Variants in CCDC6 observed in about 807,000 individuals in gnomAD.
The protein encoded by CCDC6 is coiled-coil domain containing 6.
In CCDC6, 20 loss-of-function variants were observed where a neutral mutation model predicts 56.6. The ratio of observed to expected loss-of-function variants is 0.35; its 90% confidence interval spans 0.25 to 0.51. CCDC6 has a LOEUF of 0.51. Ranked by LOEUF, CCDC6 falls within the 20% of genes least tolerant of loss-of-function variation. The probability of loss-of-function intolerance (pLI) is 0.95; values close to 1 mark genes in which losing one functional copy is unlikely to be tolerated. For synonymous variants in CCDC6, 241 were observed against 234.4 expected, an observed-to-expected ratio of 1.03 and a Z score of -0.26; for missense variants, 367 against 601.1, an observed-to-expected ratio of 0.61 and a Z score of 4.07.
At chr10:59,804,755 G>C (rs981860084) in intron 6 of CCDC6, 2 of 453,602 alleles carry the variant, frequency 4.4e-6, no homozygotes, top group Non-Finnish European at 8.1e-6. Flanking sequence ...TTTAGCTCAG[G>C]ATGGAAGCCA....
chr10:59,904,049 T>C (rs1347312297), intron 1 of CCDC6, among the ~76,000 whole-genome samples: 1 of 152,242 alleles, frequency 6.6e-6, no homozygotes, highest in African/African-American at 2.4e-5. Flanking sequence ...CTTTTTTATG[T>C]GTCTCCCTGA....
chr10:59,855,832 C>T (rs1387329467), intron 1 of CCDC6, among the ~76,000 whole-genome samples: 7 of 152,186 alleles, frequency 4.6e-5, no homozygotes, highest in Non-Finnish European at 8.8e-5. Context: ...GGACCAGTTT[C>T]CTTTGCATTT....
rs1172379933 is a variant in CCDC6, at chr10:59,876,073, C to CTTTTTT, written c.304-23377_304-23372dup. 9.2e-4 allele frequency among the ~76,000 whole-genome samples: 90 copies of CTTTTTT among 97,552 alleles called. 27 individuals carry two copies. Among genetic ancestry groups the CTTTTTT allele is most frequent in the African/African-American group, 2.0e-3 (48 of 24,218 alleles). 64.0% of individuals were successfully genotyped at this position (97,552 alleles called of 152,430 possible). ...CATACACGAGTGCATGCACAGATGT[C>CTTTTTT]TTTTTTTTTTTTTTTTTTCAGATCG... On this transcript the variant is annotated intron_variant, in intron 1 of 8. Coordinates refer to ENST00000263102, the MANE Select transcript of CCDC6 (RefSeq NM_005436.5).
chr10:59,868,196 T>A (rs1435480184), intron 1 of CCDC6, among the ~76,000 whole-genome samples: 1 of 152,214 alleles, frequency 6.6e-6, no homozygotes, highest in Non-Finnish European at 1.5e-5. Flanking sequence ...TCTGAGCTCA[T>A]CCCATCCTGT....
intron 2 of CCDC6, among the ~76,000 whole-genome samples, chr10:59,848,383 A>C (rs545103713): frequency 6.6e-6 from 1 of 152,282 alleles, no homozygotes; most frequent in East Asian, 1.9e-4. Flanking sequence ...GTCTCTGGTA[A>C]AATTAGATTC....
intron 1 of CCDC6, among the ~76,000 whole-genome samples, chr10:59,899,897 C>T (rs2071492378): frequency 7.0e-6 from 1 of 142,076 alleles, no homozygotes; most frequent in Admixed American, 7.0e-5. Flanking sequence ...AATGGTCCCC[C>T]AAAGTATACA....
Position 59,789,528 on chromosome 10 carries a change from G to A in CCDC6, c.*3389C>T. ...AGAAACCCCTTAATCTCTTACAATG[G>A]CTCTTGAGCATGGAACTCATGTAGC... On this transcript the variant is annotated 3_prime_UTR_variant, in exon 9 of 9. Coordinates refer to ENST00000263102, the MANE Select transcript of CCDC6 (RefSeq NM_005436.5). The A allele has an allele frequency of 4.3e-6, 1 of 232,868 alleles. No homozygotes were observed. Among genetic ancestry groups the A allele is most frequent in the Non-Finnish European group, 8.5e-6 (1 of 117,678 alleles). 14.4% of individuals were successfully genotyped at this position (232,868 alleles called of 1,614,324 possible).
At chr10:59,870,859 T>C (rs1427301414) in intron 1 of CCDC6, among the ~76,000 whole-genome samples, 1 of 152,170 alleles carries the variant, frequency 6.6e-6, no homozygotes, top group Non-Finnish European at 1.5e-5. Context: ...AACAACCTCA[T>C]GGAGGAGTCA....
chr10:59,806,971 A>T lies in CCDC6; in HGVS notation c.955T>A (p.Cys319Ser). ...QREMERREALCRQLSESESSL... is the reference protein window; with the variant it reads ...QREMERREALSRQLSESESSL... ...GACTCACTCTCGGAGAGCTGTCGAC[A>T]GAGGGCTTCTCTTCTCTCCATCTCC... Residue 319 changes from cysteine to serine, a missense_variant, in exon 6 of 9, where the codon TGT (cysteine) becomes AGT (serine). Transcript: ENST00000263102. The T allele has an allele frequency of 6.2e-7, 1 of 1,614,102 alleles. No individual in the cohort carries two copies. The highest frequency in any genetic ancestry group is 1.1e-5 in the South Asian group (1 of 91,074).
intron 3 of CCDC6, among the ~76,000 whole-genome samples, chr10:59,821,852 T>C (rs929889024): frequency 2.0e-5 from 3 of 152,242 alleles, no homozygotes; most frequent in Non-Finnish European, 4.4e-5. Flanking sequence ...CTGAAAGTTA[T>C]GCCGTTGATA....
At chr10:59,887,481 T>TAA (rs60170273) in intron 1 of CCDC6, among the ~76,000 whole-genome samples, 41 of 136,570 alleles carry the variant, frequency 3.0e-4, no homozygotes, top group Non-Finnish European at 4.1e-4. Flanking sequence ...ATGCAACTGT[T>TAA]AAAAAAAAAA....
In CCDC6 at chr10:59,834,432, G is replaced by C. The variant is rs148067477; in HGVS notation, c.454-1779C>G. ...AAGCCCGGTGTGGTGGCATGCACCA[G>C]CTACTCAGGAGGCTGAGGCAGGAGA... On this transcript the variant is annotated intron_variant, in intron 2 of 8. Coordinates refer to ENST00000263102, the MANE Select transcript of CCDC6 (RefSeq NM_005436.5). Among the ~76,000 whole-genome samples, 336 of 152,110 alleles carry C rather than the reference G, an allele frequency of 2.2e-3. 2 individuals carry two copies. The highest frequency in any genetic ancestry group is 7.8e-3 in the African/African-American group (322 of 41,488).
In CCDC6 at chr10:59,827,183, T is replaced by C. The variant is rs369727285; in HGVS notation, c.582+5342A>G. 1.4e-4 allele frequency among the ~76,000 whole-genome samples: 22 copies of C among 152,294 alleles called. No individual in the cohort carries two copies. In the South Asian group the frequency reaches 4.4e-3, roughly 30 times the overall value. On this transcript the variant is annotated intron_variant, in intron 3 of 8. Transcript: ENST00000263102. The stretch of plus-strand genomic sequence containing the variant: ...ATGAAGATCTGGAGGCACCAAAGCA[T>C]TGGGCAAGGCAGAGCACTTTTTTCA...
intron 1 of CCDC6, among the ~76,000 whole-genome samples, chr10:59,859,024 A>G (rs1480219310): frequency 6.6e-6 from 1 of 152,176 alleles, no homozygotes; most frequent in Non-Finnish European, 1.5e-5. Context: ...AAATAAGGGC[A>G]ACTCCCTCTG....
intron 2 of CCDC6, among the ~76,000 whole-genome samples, chr10:59,852,192 C>G (rs990511348): frequency 6.6e-5 from 10 of 152,082 alleles, no homozygotes; most frequent in Admixed American, 3.3e-4. Flanking sequence ...CTATGACTGC[C>G]AAAAAGTTTA....
chr10:59,906,453 G>A lies in CCDC6; in HGVS notation c.-29C>T, dbSNP rs1184197103. On this transcript the variant is annotated 5_prime_UTR_variant, in exon 1 of 9. Coordinates refer to ENST00000263102, the MANE Select transcript of CCDC6 (RefSeq NM_005436.5). ...CGCGGCGGGCTGGGGAAAGGAGGAG[G>A]AGCAGCAGGGAGGCGGCGGCGACGA... is the stretch of plus-strand genomic sequence containing the variant. 2 of 1,461,710 alleles carry A rather than the reference G, an allele frequency of 1.4e-6. No homozygotes were observed. Among genetic ancestry groups the A allele is most frequent in the Non-Finnish European group, 8.9e-7 (1 of 1,122,386 alleles). 90.5% of individuals were successfully genotyped at this position (1,461,710 alleles called of 1,614,324 possible). A position where few individuals can be genotyped will look rare whatever the true frequency, so the allele number is the denominator to read the frequency against.
chr10:59,831,990 G>A (rs541858334), intron 3 of CCDC6, among the ~76,000 whole-genome samples: 3 of 152,222 alleles, frequency 2.0e-5, no homozygotes, highest in Non-Finnish European at 4.4e-5. Context: ...AGAAATTAAT[G>A]AAGTTAATAT....
rs151073680 is a variant in CCDC6, at chr10:59,801,601, T to C, written c.1105+2819A>G. Among the ~76,000 whole-genome samples the C allele has an allele frequency of 2.6e-3, 389 of 152,302 alleles. 2 individuals carry two copies. Among genetic ancestry groups the C allele is most frequent in the Admixed American group, 0.012 (178 of 15,302 alleles). On this transcript the variant is annotated intron_variant, in intron 7 of 8. Coordinates refer to ENST00000263102, the MANE Select transcript of CCDC6 (RefSeq NM_005436.5). ...AGTCGCATATCCCACATTTAAGGAGTAGAGTTATTTCCATCTCCTTGAGGA... is the reference window on the plus strand; with the variant it reads ...AGTCGCATATCCCACATTTAAGGAGCAGAGTTATTTCCATCTCCTTGAGGA...
At chr10:59,878,073 G>C (rs1392219755) in intron 1 of CCDC6, among the ~76,000 whole-genome samples, 1 of 152,150 alleles carries the variant, frequency 6.6e-6, no homozygotes, top group Non-Finnish European at 1.5e-5. Context: ...GCCATATACT[G>C]TGTTTAGACA....
Sources: gnomAD v4.1 joint callset for allele counts (sites outside exome capture counted in the v4.1 genomes callset) on GRCh38, gnomAD v4.1.1 for gene constraint, MANE v1.5 for transcripts, NCBI Gene and HGNC (gene_info 2026-07-23, HGNC 2026-07-21) for gene names.